Variants in PLXNA2 observed in about 807,000 individuals in gnomAD.
PLXNA2 encodes plexin-A2.
A neutral mutation model predicts 193.5 loss-of-function variants in PLXNA2; 91 were observed. That is an observed-to-expected ratio of 0.47 (90% CI 0.40 to 0.56). The LOEUF (loss-of-function observed/expected upper bound fraction) is 0.56. PLXNA2 is among the 20% of genes least tolerant of loss of function. The pLI, the probability that PLXNA2 is intolerant of heterozygous loss-of-function variation, is 0.00. For missense variants in PLXNA2, 1,995 were observed against 2,503.2 expected, an observed-to-expected ratio of 0.80 and a Z score of 4.33; for synonymous variants, 997 against 1,027.3, an observed-to-expected ratio of 0.97 and a Z score of 0.56.
chr1:208,130,933 A>C (rs997879983), intron 4 of PLXNA2, among the ~76,000 whole-genome samples: 2 of 152,184 alleles, frequency 1.3e-5, no homozygotes, highest in Admixed American at 1.3e-4. Context: ...CTGGCTGAGG[A>C]GTTCAGAGGC....
Position 208,038,989 on chromosome 1 carries a change from A to G in PLXNA2, c.4501-5T>C, listed in dbSNP as rs1241240647. ...AGGGTTGACGCAGTTCAGGATCTACAAGTAGGGGACAGAGGGTGAGCAGGA... is the reference window on the plus strand; with the variant it reads ...AGGGTTGACGCAGTTCAGGATCTACGAGTAGGGGACAGAGGGTGAGCAGGA... On this transcript the variant is annotated splice_region_variant and splice_polypyrimidine_tract_variant and intron_variant, in intron 24 of 31. Transcript: ENST00000367033. The surrounding 1 kb of genome is among the most constrained non-coding windows in gnomAD (Gnocchi z 4.1). The G allele has an allele frequency of 1.2e-6, 2 of 1,613,314 alleles. No homozygotes were observed. Among genetic ancestry groups the G allele is most frequent in the Non-Finnish European group, 1.7e-6 (2 of 1,179,458 alleles).
intron 3 of PLXNA2, among the ~76,000 whole-genome samples, chr1:208,196,410 C>T (rs971245060): frequency 6.6e-6 from 1 of 152,236 alleles, no homozygotes; most frequent in Middle Eastern, 3.2e-3. Flanking sequence ...TAGCCACACA[C>T]TTGCCTTTAA....
At chr1:208,238,791 T>C (rs2102650434) in intron 1 of PLXNA2, among the ~76,000 whole-genome samples, 1 of 152,280 alleles carries the variant, frequency 6.6e-6, no homozygotes, top group East Asian at 1.9e-4. Context: ...AAAATCTGTA[T>C]TTAGGGAGTT....
intron 4 of PLXNA2, among the ~76,000 whole-genome samples, chr1:208,103,630 G>T (rs1667168223): frequency 6.6e-6 from 1 of 152,164 alleles, no homozygotes; most frequent in Non-Finnish European, 1.5e-5. Context: ...GCTGGGCTTG[G>T]GCTGAGACAT....
intron 17 of PLXNA2, among the ~76,000 whole-genome samples, chr1:208,048,162 C>T (rs1665139206): frequency 6.6e-6 from 1 of 152,154 alleles, no homozygotes. Flanking sequence ...AGCAAGAGGC[C>T]TCTGGACGCT....
intron 3 of PLXNA2, chr1:208,209,983 A>ATTTTTTTTTTTT (rs1553297870): frequency 9.1e-5 from 8 of 87,962 alleles, no homozygotes; most frequent in East Asian, 8.1e-4. Context: ...ATGAAGAGCA[A>ATTTTTTTTTTTT]TTTTTTTTTT....
In PLXNA2 at chr1:208,234,961, CTG is replaced by C. The variant is rs1213556711; in HGVS notation, c.-81+8680_-81+8681del. Among the ~76,000 whole-genome samples, 4 of 152,332 alleles carry C rather than the reference CTG, an allele frequency of 2.6e-5. No individual in the cohort carries two copies. The South Asian group carries it at 6.2e-4, about 24-fold the overall frequency. ...TATGTGGGCCTGGGTAAAAGCTACT[CTG>C]TGCAGGAGAGATGCAAGCCCTGTTG... is the stretch of plus-strand genomic sequence containing the variant. On this transcript the variant is annotated intron_variant, in intron 1 of 31. Coordinates refer to ENST00000367033, the MANE Select transcript of PLXNA2 (RefSeq NM_025179.4).
intron 28 of PLXNA2, chr1:208,031,985 GC>G: frequency 1.0e-6 from 1 of 985,210 alleles, no homozygotes; most frequent in Non-Finnish European, 1.2e-6. Flanking sequence ...CCAACCTGCA[GC>G]CACATTCCAC....
intron 3 of PLXNA2, among the ~76,000 whole-genome samples, chr1:208,190,220 T>C (rs1670135527): frequency 6.6e-6 from 1 of 152,214 alleles, no homozygotes. Flanking sequence ...TGCTTCTCCA[T>C]CACTTACTTA....
Position 208,219,874 on chromosome 1 carries a change from C to T in PLXNA2, c.-80-1872G>A, listed in dbSNP as rs373517092. On this transcript the variant is annotated intron_variant, in intron 1 of 31. Coordinates refer to ENST00000367033, the MANE Select transcript of PLXNA2 (RefSeq NM_025179.4). ...AGCCCTTCCGGCCCCAGGCGCACAC[C>T]GGCAAAGCCTCCCAACAGACAGGGC... 8.1e-4 allele frequency among the ~76,000 whole-genome samples: 123 copies of T among 152,330 alleles called. 3 individuals carry two copies. In the South Asian group the frequency reaches 0.024, roughly 29 times the overall value.
chr1:208,074,736 C>CACTT (rs918896207), intron 12 of PLXNA2, among the ~76,000 whole-genome samples: 1 of 152,174 alleles, frequency 6.6e-6, no homozygotes, highest in Non-Finnish European at 1.5e-5. Context: ...TTCCAGCTTC[C>CACTT]ACTTATTTCC....
In PLXNA2 at chr1:208,129,150, C is replaced by T. The variant is rs554885617; in HGVS notation, c.1506+13179G>A. 2.2e-4 allele frequency among the ~76,000 whole-genome samples: 33 copies of T among 152,282 alleles called. 1 individual carries two copies. Among genetic ancestry groups the T allele is most frequent in the African/African-American group, 6.3e-4 (26 of 41,552 alleles). ...GGGTGCACTATCTCATTTCCTTTAT[C>T]CTCTTTCCATGAACCTGGGATGGGC... On this transcript the variant is annotated intron_variant, in intron 4 of 31. Coordinates refer to ENST00000367033, the MANE Select transcript of PLXNA2 (RefSeq NM_025179.4).
In PLXNA2 at chr1:208,117,079, G is replaced by A. The variant is rs758628849; in HGVS notation, c.1507-13832C>T. Among the ~76,000 whole-genome samples the A allele has an allele frequency of 8.7e-4, 133 of 152,322 alleles. 1 individual carries two copies. Among genetic ancestry groups the A allele is most frequent in the Non-Finnish European group, 1.2e-3 (81 of 68,020 alleles). On this transcript the variant is annotated intron_variant, in intron 4 of 31. Coordinates refer to ENST00000367033, the MANE Select transcript of PLXNA2 (RefSeq NM_025179.4). ...CCAGCTACTCAGGAGGCTGAGGCAG[G>A]AGAATAGCTTGAACCTGGGAGGTGG...
At chr1:208,133,769 G>A (rs539487664) in intron 4 of PLXNA2, among the ~76,000 whole-genome samples, 2 of 152,340 alleles carry the variant, frequency 1.3e-5, no homozygotes, top group African/African-American at 4.8e-5. Flanking sequence ...GTTGGGAAAG[G>A]ATGCTGGGCT....
chr1:208,079,064 G>C (rs1421359674), intron 12 of PLXNA2, among the ~76,000 whole-genome samples, 196 bp downstream of exon 12: 1 of 152,204 alleles, frequency 6.6e-6, no homozygotes, highest in African/African-American at 2.4e-5. Flanking sequence ...GCATGAGGAT[G>C]CGCTTCCATA....
intron 31 of PLXNA2, 50 bp from the exon 32 acceptor site, chr1:208,027,388 A>G (rs755004495): frequency 2.0e-6 from 3 of 1,509,580 alleles, no homozygotes. Flanking sequence ...AGAATAGAAG[A>G]CACCATTTTC....
intron 16 of PLXNA2, 51 bp from the exon 17 acceptor site, chr1:208,051,153 A>G (rs771268154): frequency 6.3e-7 from 1 of 1,596,004 alleles, no homozygotes; most frequent in Non-Finnish European, 8.6e-7. Flanking sequence ...CAAATCTGGC[A>G]TGGTGAACCT....
At chr1:208,030,695 C>T (rs560501999) in intron 29 of PLXNA2, 34 of 985,426 alleles carry the variant, frequency 3.5e-5, no homozygotes, top group East Asian at 1.1e-4. Flanking sequence ...CCATCTGTGT[C>T]GGCTCTGTTT....
At position 208,084,486 on chromosome 1, in the gene PLXNA2, T is replaced by G; in HGVS notation, c.2192A>C (p.Gln731Pro). ...ACACTCATAGCCTCGCTGGCCGGACTGCGGCTGGGGCAGATTTCGCGCCTT... is the reference window on the plus strand; with the variant it reads ...ACACTCATAGCCTCGCTGGCCGGACGGCGGCTGGGGCAGATTTCGCGCCTT... ...TLKARNLPQP[Q>P]SGQRGYECVL... The change falls in exon 10 of 32, where the codon CAG becomes CCG. Residue 731 changes from glutamine (Q) to proline (P), a missense_variant. Gln to Pro is a moderately conservative substitution (Grantham distance 76, BLOSUM62 -1). Coordinates refer to ENST00000367033, the MANE Select transcript of PLXNA2 (RefSeq NM_025179.4). 6.2e-7 allele frequency: 1 copy of G among 1,614,252 alleles called. No homozygotes were observed. Among genetic ancestry groups the G allele is most frequent in the Non-Finnish European group, 8.5e-7 (1 of 1,180,044 alleles).
Sources: allele counts gnomAD v4.1 joint callset (sites outside exome capture counted in the v4.1 genomes callset), GRCh38; gene constraint gnomAD v4.1.1; non-coding constraint Gnocchi (gnomAD v3.1); transcripts MANE v1.5; gene names NCBI Gene and HGNC (gene_info 2026-07-23, HGNC 2026-07-21).